The following SLC16A9 variants were observed in gnomAD, a reference collection of about 807,000 sequenced individuals.
The protein encoded by SLC16A9 is solute carrier family 16 member 9.
A neutral mutation model predicts 44.3 loss-of-function variants in SLC16A9; 26 were observed. That is an observed-to-expected ratio of 0.59 (90% confidence interval 0.43 to 0.81). SLC16A9 has a LOEUF of 0.81. SLC16A9 is among the 40% of genes least tolerant of loss of function. The pLI, the probability that SLC16A9 is intolerant of heterozygous loss-of-function variation, is 0.00. For synonymous variants in SLC16A9, 230 were observed against 225.1 expected, an observed-to-expected ratio of 1.02 and a Z score of -0.19; for missense variants, 559 against 595.8, an observed-to-expected ratio of 0.94 and a Z score of 0.64.
At chr10:59,659,311 G>A (rs1839420212) in intron 4 of SLC16A9, among the ~76,000 whole-genome samples, 1 of 152,116 alleles carries the variant, frequency 6.6e-6, no homozygotes, top group Admixed American at 6.6e-5. Context: ...ACAAGGAGGT[G>A]GAGACATGAT....
chr10:59,664,739 T>C (rs577550313), intron 3 of SLC16A9, among the ~76,000 whole-genome samples: 2 of 152,320 alleles, frequency 1.3e-5, no homozygotes, highest in East Asian at 3.9e-4. Flanking sequence ...TAAACAACTT[T>C]TTAAAATACA....
chr10:59,656,140 G>A (rs569348945), intron 4 of SLC16A9, among the ~76,000 whole-genome samples: 1 of 152,314 alleles, frequency 6.6e-6, no homozygotes, highest in Non-Finnish European at 1.5e-5. Flanking sequence ...TAACTACTGA[G>A]AAGTAATAAC....
chr10:59,659,253 A>G (rs1839418054), intron 4 of SLC16A9, among the ~76,000 whole-genome samples: 1 of 152,178 alleles, frequency 6.6e-6, no homozygotes. Flanking sequence ...TAGGTCAGTG[A>G]GAGGTATTGA....
chr10:59,681,239 T>G (rs117521436), intron 2 of SLC16A9, among the ~76,000 whole-genome samples: 2,155 of 152,010 alleles, frequency 0.014, 22 homozygotes, highest in Middle Eastern at 0.034. Context: ...TGATGGTCAG[T>G]GTGACTTGCA....
At chr10:59,694,999 T>A (rs1323530923) in intron 1 of SLC16A9, among the ~76,000 whole-genome samples, 1 of 151,706 alleles carries the variant, frequency 6.6e-6, no homozygotes, top group Non-Finnish European at 1.5e-5. Context: ...TGCTTATACA[T>A]GCAACAACAT....
chr10:59,693,087 A>C (rs1840286854), intron 1 of SLC16A9, among the ~76,000 whole-genome samples: 1 of 152,188 alleles, frequency 6.6e-6, no homozygotes, highest in Non-Finnish European at 1.5e-5. Context: ...CCCATTTCTT[A>C]AGCAATTTCA....
chr10:59,653,563 T>C (rs1210595849), intron 5 of SLC16A9, 112 bp downstream of exon 5: 2 of 837,428 alleles, frequency 2.4e-6, no homozygotes, highest in Non-Finnish European at 3.7e-6. Context: ...AGATGTTCCA[T>C]GCAGATTTCT....
At chr10:59,670,260 A>G (rs1839715296) in intron 3 of SLC16A9, among the ~76,000 whole-genome samples, 4 of 152,186 alleles carry the variant, frequency 2.6e-5, no homozygotes, top group Admixed American at 1.3e-4. Flanking sequence ...CAATACCTCC[A>G]TGAACTCATA....
Position 59,699,783 on chromosome 10 carries a change from C to T in SLC16A9, c.-37+9696G>A, listed in dbSNP as rs1408502402. 2.6e-5 allele frequency among the ~76,000 whole-genome samples: 4 copies of T among 151,722 alleles called. No individual in the cohort carries two copies. The East Asian group carries it at 5.8e-4, about 22-fold the overall frequency. On this transcript the variant is annotated intron_variant, in intron 1 of 5. Coordinates refer to ENST00000395348, the MANE Select transcript of SLC16A9 (RefSeq NM_194298.3). ...CCCCCAAAATCTTTAAGGTACTTTCCCTATAAAGACCTCTGGCCAGAACAT... is the reference window on the plus strand; with the variant it reads ...CCCCCAAAATCTTTAAGGTACTTTCTCTATAAAGACCTCTGGCCAGAACAT...
rs144345262 is a variant in SLC16A9, at chr10:59,654,156, A to G, written c.870T>C (p.Tyr290=). 133 of 1,614,024 alleles carry G rather than the reference A, an allele frequency of 8.2e-5. No individual in the cohort carries two copies. The Middle Eastern group carries it at 2.5e-3, about 30-fold the overall frequency. Residue 290 remains tyrosine, a synonymous_variant, in exon 5 of 6, where the codon TAT becomes TAC. Transcript: ENST00000395348. ...CCACAGTTTCACCACAGTAGTTTTT[A>G]TATAACTGCCACTTCCTCTTGGCAA... ...KQLAKRKWQL[Y]KNYCGETVAL...
Position 59,671,493 on chromosome 10 carries a change from C to T in SLC16A9, c.340+1277G>A, listed in dbSNP as rs144622206. On this transcript the variant is annotated intron_variant, in intron 3 of 5. Transcript: ENST00000395348. ...CCCTTAGAGTGGGCTTACATGGGCA[C>T]GTAATATATGGGATTATGCCCCAAC... Among the ~76,000 whole-genome samples the T allele has an allele frequency of 1.8e-4, 28 of 152,262 alleles. No individual in the cohort carries two copies. In the South Asian group the frequency reaches 1.9e-3, roughly 10 times the overall value.
At chr10:59,679,449 A>C (rs1257006877) in intron 2 of SLC16A9, among the ~76,000 whole-genome samples, 6 of 152,126 alleles carry the variant, frequency 3.9e-5, no homozygotes, top group African/African-American at 1.2e-4. Flanking sequence ...CCAAGTCAAA[A>C]ATTTGCAGAG....
intron 4 of SLC16A9, among the ~76,000 whole-genome samples, chr10:59,658,911 T>G (rs1325996042): frequency 2.0e-5 from 3 of 152,180 alleles, no homozygotes; most frequent in African/African-American, 7.2e-5. Flanking sequence ...TTGGATCCTG[T>G]TGCCAGAATA....
intron 1 of SLC16A9, among the ~76,000 whole-genome samples, chr10:59,696,122 C>T (rs1014513640): frequency 6.6e-6 from 1 of 152,062 alleles, no homozygotes; most frequent in East Asian, 1.9e-4. Flanking sequence ...TCTCCCTCTC[C>T]CTCTCTTGCC....
intron 1 of SLC16A9, among the ~76,000 whole-genome samples, chr10:59,708,053 G>C (rs573684800): frequency 6.6e-6 from 1 of 152,170 alleles, no homozygotes; most frequent in East Asian, 1.9e-4. Context: ...TGTTATTAGG[G>C]GGTCGGTGGT....
chr10:59,690,911 C>T (rs1448598311), intron 1 of SLC16A9, among the ~76,000 whole-genome samples: 1 of 152,078 alleles, frequency 6.6e-6, no homozygotes, highest in East Asian at 1.9e-4. Flanking sequence ...TGGCAAAACC[C>T]CGTCTCTACT....
intron 1 of SLC16A9, among the ~76,000 whole-genome samples, chr10:59,689,331 C>T (rs1840203801): frequency 6.6e-6 from 1 of 152,142 alleles, no homozygotes; most frequent in Non-Finnish European, 1.5e-5. Context: ...AATAGGCTAG[C>T]CTTCATTTCT....
chr10:59,670,793 G>A (rs1470613172), intron 3 of SLC16A9, among the ~76,000 whole-genome samples: 2 of 151,914 alleles, frequency 1.3e-5, no homozygotes, highest in Non-Finnish European at 2.9e-5. Flanking sequence ...GAATGAAAGT[G>A]CCAGTGTTCA....
At chr10:59,699,927 CACACACACAT>C (rs1840485720) in intron 1 of SLC16A9, among the ~76,000 whole-genome samples, 1 of 151,898 alleles carries the variant, frequency 6.6e-6, no homozygotes, top group African/African-American at 2.4e-5. Flanking sequence ...CACACACACA[CACACACACAT>C]ACACACATTA....
Sources: gnomAD v4.1 joint callset for allele counts (sites outside exome capture counted in the v4.1 genomes callset) on GRCh38, gnomAD v4.1.1 for gene constraint, MANE v1.5 for transcripts, NCBI Gene and HGNC (gene_info 2026-07-23, HGNC 2026-07-21) for gene names.